The following PTPRD variants were observed in gnomAD, a reference collection of about 807,000 sequenced individuals.
The protein encoded by PTPRD is protein tyrosine phosphatase receptor type D, also known as receptor-type tyrosine-protein phosphatase delta.
PTPRD carries 34 observed loss-of-function variants against 214.5 expected under a neutral mutation model. The observed-to-expected ratio is 0.16, with a 90% CI of 0.12 to 0.21. The LOEUF is 0.21. Among genes scored for constraint, PTPRD ranks in the 10% least tolerant of loss-of-function variants. The pLI, the probability that PTPRD is intolerant of heterozygous loss-of-function variation, is 1.00. For missense variants in PTPRD, 2,545 were observed against 2,398.7 expected (o/e 1.06, Z -1.27); for synonymous variants, 1,128 against 845.7 (o/e 1.33, Z -5.79).
chr9:9,116,817 T>A (rs1569546562), intron 10 of PTPRD, among the ~76,000 whole-genome samples: 1 of 152,170 alleles, frequency 6.6e-6, no homozygotes, highest in Non-Finnish European at 1.5e-5. Flanking sequence ...TCCAGATACC[T>A]TGTGCTTTTC....
intron 2 of PTPRD, among the ~76,000 whole-genome samples, chr9:10,428,341 A>G (rs1370454938): frequency 6.6e-6 from 1 of 152,004 alleles, no homozygotes; most frequent in East Asian, 1.9e-4. Context: ...AATTTCTTTT[A>G]TTTCTTTATA....
intron 9 of PTPRD, among the ~76,000 whole-genome samples, chr9:9,198,572 T>A (rs1278340273): frequency 1.3e-5 from 2 of 151,686 alleles, no homozygotes; most frequent in African/African-American, 2.4e-5. Flanking sequence ...TCCATGAATA[T>A]TTTTTAGTGA....
intron 10 of PTPRD, among the ~76,000 whole-genome samples, chr9:9,024,727 T>C (rs752360246): frequency 9.9e-5 from 15 of 151,968 alleles, no homozygotes; most frequent in Non-Finnish European, 1.9e-4. Context: ...GAAATGCTCC[T>C]TCATGTATTG....
At chr9:9,157,762 G>A (rs187290227) in intron 10 of PTPRD, among the ~76,000 whole-genome samples, 3 of 152,010 alleles carry the variant, frequency 2.0e-5, no homozygotes, top group Non-Finnish European at 2.9e-5. Context: ...AGGATGTGCA[G>A]GTTTGTTACG....
intron 7 of PTPRD, among the ~76,000 whole-genome samples, chr9:9,652,965 C>A (rs2096403375): frequency 6.6e-6 from 1 of 152,096 alleles, no homozygotes; most frequent in Admixed American, 6.5e-5. Flanking sequence ...AGTTTCATTC[C>A]TAGTCACAAT....
intron 43 of PTPRD, among the ~76,000 whole-genome samples, chr9:8,336,552 A>G (rs1307622132): frequency 6.6e-6 from 1 of 151,410 alleles, no homozygotes; most frequent in Non-Finnish European, 1.5e-5. Flanking sequence ...CTTCAGGACT[A>G]AAACACCAAA....
chr9:10,067,853 T>A (rs291316), intron 3 of PTPRD, among the ~76,000 whole-genome samples: 26 of 151,710 alleles, frequency 1.7e-4, no homozygotes, highest in African/African-American at 6.3e-4. Flanking sequence ...TGAAAAAGCC[T>A]AGATTGTAGC....
intron 14 of PTPRD, among the ~76,000 whole-genome samples, chr9:8,566,830 G>A (rs967613245): frequency 3.9e-5 from 6 of 152,110 alleles, no homozygotes; most frequent in African/African-American, 1.2e-4. Flanking sequence ...AAGGTATATT[G>A]ATGGTCAAAT....
chr9:9,029,232 T>C lies in PTPRD; in HGVS notation c.-142-10497A>G, dbSNP rs1032199507. Among the ~76,000 whole-genome samples the C allele has an allele frequency of 3.3e-5, 5 of 151,932 alleles. No individual in the cohort carries two copies. In the South Asian group the frequency reaches 1.0e-3, roughly 31 times the overall value. ...TTTAAATTATATACACGGTTCATAT[T>C]TGCGACTTGCATTATATTTCTATTG... On this transcript the variant is annotated intron_variant, in intron 10 of 45. Transcript: ENST00000381196.
intron 11 of PTPRD, among the ~76,000 whole-genome samples, chr9:8,899,387 A>T (rs556302187): frequency 2.6e-4 from 40 of 152,176 alleles, no homozygotes; most frequent in Non-Finnish European, 5.4e-4. Context: ...AAGCAGTTGC[A>T]CAATTCAAGG....
intron 3 of PTPRD, among the ~76,000 whole-genome samples, chr9:10,271,484 C>T (rs2154382904): frequency 6.7e-6 from 1 of 148,696 alleles, no homozygotes; most frequent in South Asian, 2.1e-4. Flanking sequence ...CAAGTGTTTT[C>T]TTATAAATTA....
chr9:8,744,719 G>A lies in PTPRD; in HGVS notation c.-103-10773C>T, dbSNP rs113370710. On this transcript the variant is annotated intron_variant, in intron 11 of 45. Transcript: ENST00000381196. Reference sequence around the variant, plus strand: ...AGTGTACACTGCTTGGGCGATGGGTGCACCAAAATCTCAGAAATCACCGCT... The same window carrying A: ...AGTGTACACTGCTTGGGCGATGGGTACACCAAAATCTCAGAAATCACCGCT... Among the ~76,000 whole-genome samples the A allele has an allele frequency of 2.1e-3, 320 of 152,276 alleles. 2 individuals carry two copies. Among genetic ancestry groups the A allele is most frequent in the Middle Eastern group, 6.8e-3 (2 of 294 alleles).
chr9:9,041,370 T>A (rs546289095), intron 10 of PTPRD, among the ~76,000 whole-genome samples: 1 of 152,210 alleles, frequency 6.6e-6, no homozygotes, highest in East Asian at 1.9e-4. Flanking sequence ...CTTTCCACCC[T>A]CCACGCTCTG....
At chr9:9,314,013 G>T (rs1331072161) in intron 9 of PTPRD, among the ~76,000 whole-genome samples, 1 of 152,072 alleles carries the variant, frequency 6.6e-6, no homozygotes, top group African/African-American at 2.4e-5. Flanking sequence ...AATGAGCAAA[G>T]AAGCTGTTTT....
In PTPRD at chr9:10,594,557, A is replaced by C. The variant is rs367969453; in HGVS notation, c.-600+17841T>G. Reference sequence around the variant, plus strand: ...CAGATATAGAAATGCCTTCAATAAAATGCTACATTTCTCAAACAACCTGCT... The same window carrying C: ...CAGATATAGAAATGCCTTCAATAAACTGCTACATTTCTCAAACAACCTGCT... On this transcript the variant is annotated intron_variant, in intron 2 of 45. Transcript: ENST00000381196. Among the ~76,000 whole-genome samples the C allele has an allele frequency of 1.3e-3, 204 of 152,128 alleles. 1 individual carries two copies. The highest frequency in any genetic ancestry group is 4.8e-3 in the African/African-American group (200 of 41,540).
At chr9:8,329,434 G>C (rs1217325900) in intron 44 of PTPRD, among the ~76,000 whole-genome samples, 1 of 152,102 alleles carries the variant, frequency 6.6e-6, no homozygotes, top group South Asian at 2.1e-4. Flanking sequence ...GTGTTCTCCT[G>C]TATGAGGTAT....
At chr9:9,453,807 A>G (rs1345289606) in intron 8 of PTPRD, among the ~76,000 whole-genome samples, 1 of 151,718 alleles carries the variant, frequency 6.6e-6, no homozygotes, top group Non-Finnish European at 1.5e-5. Flanking sequence ...AGTGAAGCCC[A>G]TAAGGAGATA....
At chr9:9,182,157 T>G (rs189111422) in intron 10 of PTPRD, among the ~76,000 whole-genome samples, 1 of 152,134 alleles carries the variant, frequency 6.6e-6, no homozygotes, top group Admixed American at 6.6e-5. Context: ...TGAAATAAAT[T>G]TACTACAATC....
At chr9:10,194,168 C>G (rs541415884) in intron 3 of PTPRD, among the ~76,000 whole-genome samples, 158 of 152,154 alleles carry the variant, frequency 1.0e-3, no homozygotes, top group African/African-American at 3.6e-3. Flanking sequence ...ATTGATGCCT[C>G]TTCCCATCGT....
Sources: gnomAD v4.1 joint callset for allele counts (sites outside exome capture counted in the v4.1 genomes callset) on GRCh38, gnomAD v4.1.1 for gene constraint, MANE v1.5 for transcripts, NCBI Gene and HGNC (gene_info 2026-07-23, HGNC 2026-07-21) for gene names.